The following CLNK variants were observed in gnomAD, a reference collection of about 807,000 sequenced individuals.
CLNK encodes the protein cytokine dependent hematopoietic cell linker.
In CLNK, 74 loss-of-function variants were observed where a neutral mutation model predicts 68.6. The ratio of observed to expected loss-of-function variants is 1.08; its 90% CI spans 0.89 to 1.31. CLNK has a LOEUF of 1.31. Ranked by LOEUF, CLNK falls within the 50% of genes most tolerant of loss-of-function variation. The probability of loss-of-function intolerance (pLI) is 0.00; values close to 1 mark genes in which losing one functional copy is unlikely to be tolerated. For synonymous variants in CLNK, 198 were observed against 172.2 expected, an observed-to-expected ratio of 1.15 and a Z score of -1.17; for missense variants, 553 against 515.3, an observed-to-expected ratio of 1.07 and a Z score of -0.71.
chr4:10,692,367 T>A, the CLNK span, among the ~76,000 whole-genome samples: 2 of 152,046 alleles, frequency 1.3e-5, no homozygotes, highest in Non-Finnish European at 2.9e-5. Context: ...TATAGCAAAG[T>A]TGAAAGTGAG....
In CLNK at chr4:10,516,397, T is replaced by C. The variant is rs1018408897; in HGVS notation, c.773-2800A>G. On this transcript the variant is annotated intron_variant, in intron 15 of 18. Transcript: ENST00000226951. ...GATCCACTAAATTTTTGAGATGAAA[T>C]ATTAATTAAACATTAGCAAATACAT... Among the ~76,000 whole-genome samples the C allele has an allele frequency of 9.2e-5, 14 of 152,168 alleles. 1 individual carries two copies. Among genetic ancestry groups the C allele is most frequent in the Non-Finnish European group, 1.9e-4 (13 of 68,028 alleles).
chr4:10,689,568 T>C (rs1018971946), upstream of CLNK, among the ~76,000 whole-genome samples: 7 of 152,120 alleles, frequency 4.6e-5, no homozygotes, highest in African/African-American at 1.7e-4. Context: ...CAGGCTCCTG[T>C]CAGGCAGCTG....
chr4:10,624,417 C>T (rs1312658416), intron 2 of CLNK, among the ~76,000 whole-genome samples: 1 of 152,086 alleles, frequency 6.6e-6, no homozygotes, highest in Non-Finnish European at 1.5e-5. Flanking sequence ...CTCAGCCTCC[C>T]GAGTAGCTCG....
intron 16 of CLNK, among the ~76,000 whole-genome samples, chr4:10,508,908 A>G (rs891877849): frequency 6.6e-6 from 1 of 152,094 alleles, no homozygotes; most frequent in African/African-American, 2.4e-5. Context: ...GGAGATCGAG[A>G]CCATCCTGGC....
intron 2 of CLNK, among the ~76,000 whole-genome samples, chr4:10,604,645 C>T (rs1721721321): frequency 6.6e-6 from 1 of 151,902 alleles, no homozygotes; most frequent in Non-Finnish European, 1.5e-5. Context: ...GTTCATCAAG[C>T]CCCACCATTC....
At position 10,533,669 on chromosome 4, in the gene CLNK, G is replaced by C. The variant is rs551864480; in HGVS notation, c.603-1386C>G. Among the ~76,000 whole-genome samples the C allele has an allele frequency of 4.6e-5, 7 of 152,322 alleles. No individual in the cohort carries two copies. In the South Asian group the frequency reaches 1.4e-3, roughly 32 times the overall value. ...AGATCTGAATAGAGGTAATGAAGTA[G>C]AACAAACACCCAGAGTATTAATTAT... On this transcript the variant is annotated intron_variant, in intron 11 of 18. Transcript: ENST00000226951.
At chr4:10,721,218 T>C in the CLNK span, among the ~76,000 whole-genome samples, 227 of 152,168 alleles carry the variant, frequency 1.5e-3, no homozygotes, top group African/African-American at 5.1e-3. Context: ...GGTGTGGCTA[T>C]AGAAGGGCTG....
At chr4:10,626,074 G>A (rs553037571) in intron 2 of CLNK, among the ~76,000 whole-genome samples, 1 of 152,198 alleles carries the variant, frequency 6.6e-6, no homozygotes, top group Admixed American at 6.5e-5. Flanking sequence ...TGACTGGTTG[G>A]GGGTGGTGCT....
At chr4:10,554,627 C>A (rs1247572208) in intron 8 of CLNK, among the ~76,000 whole-genome samples, 1 of 152,144 alleles carries the variant, frequency 6.6e-6, no homozygotes, top group African/African-American at 2.4e-5. Flanking sequence ...AGCATTATAT[C>A]AATGTCTCTG....
At chr4:10,572,381 A>G (rs527340280) in intron 4 of CLNK, among the ~76,000 whole-genome samples, 1 of 152,252 alleles carries the variant, frequency 6.6e-6, no homozygotes, top group Non-Finnish European at 1.5e-5. Flanking sequence ...CAACACTCTT[A>G]TTTGGGCTTG....
the CLNK span, among the ~76,000 whole-genome samples, chr4:10,723,919 A>AGACAGAG: frequency 6.8e-6 from 1 of 148,026 alleles, no homozygotes; most frequent in Non-Finnish European, 1.5e-5. Context: ...AGAGAGAGAG[A>AGACAGAG]AGGCAGGGCA....
the CLNK span, among the ~76,000 whole-genome samples, chr4:10,704,567 C>T: frequency 2.0e-5 from 3 of 152,170 alleles, no homozygotes; most frequent in Admixed American, 2.0e-4. Context: ...CCATATGCTG[C>T]AGTAGGCCCC....
intron 3 of CLNK, among the ~76,000 whole-genome samples, chr4:10,585,668 A>T (rs1720940811): frequency 6.6e-6 from 1 of 152,220 alleles, no homozygotes; most frequent in South Asian, 2.1e-4. Flanking sequence ...TAAATATAAA[A>T]GAGCCCAGCA....
At chr4:10,646,530 A>T (rs1485675665) in intron 2 of CLNK, among the ~76,000 whole-genome samples, 1 of 152,226 alleles carries the variant, frequency 6.6e-6, no homozygotes, top group African/African-American at 2.4e-5. Context: ...TCATTTTGCC[A>T]GGAAGAAATT....
Position 10,486,519 on chromosome 4 carries a change from AC to A in CLNK, c.*3947del, listed in dbSNP as rs1425977154. 1.5e-5 allele frequency: 2 copies of A among 136,030 alleles called. No homozygotes were observed. The allele number at this position is 136,030 out of a possible 1,614,324, so 8.4% of individuals were successfully genotyped here. A position where few individuals can be genotyped will look rare whatever the true frequency, so the allele number is the denominator to read the frequency against. The stretch of plus-strand genomic sequence containing the variant: ...AGATATACAAATATAATGCTAATAT[AC>A]AATATAGGCTATCATAAAAATTTGT... On this transcript the variant is annotated 3_prime_UTR_variant, in exon 19 of 19. Transcript: ENST00000226951.
the CLNK span, among the ~76,000 whole-genome samples, chr4:10,690,053 G>A: frequency 2.0e-5 from 3 of 152,072 alleles, no homozygotes; most frequent in Non-Finnish European, 4.4e-5. Context: ...TTTCAGACGC[G>A]CTGAATTTAA....
intron 2 of CLNK, among the ~76,000 whole-genome samples, chr4:10,633,470 C>T (rs1329405933): frequency 3.3e-5 from 5 of 152,218 alleles, no homozygotes; most frequent in Admixed American, 6.5e-5. Context: ...GCTTCATCTA[C>T]ATTCTCCCAT....
At chr4:10,510,314 C>G (rs1004328) in intron 16 of CLNK, among the ~76,000 whole-genome samples, 1 of 152,088 alleles carries the variant, frequency 6.6e-6, no homozygotes, top group Non-Finnish European at 1.5e-5. Context: ...CCAAATATGT[C>G]GTTAATATCT....
intron 18 of CLNK, among the ~76,000 whole-genome samples, chr4:10,491,449 A>C (rs1716567616): frequency 6.6e-6 from 1 of 152,252 alleles, no homozygotes. Context: ...TCTAGTATAC[A>C]TAGAAAGAAC....
Sources: allele counts gnomAD v4.1 joint callset (sites outside exome capture counted in the v4.1 genomes callset), GRCh38; gene constraint gnomAD v4.1.1; transcripts MANE v1.5; gene names NCBI Gene and HGNC (gene_info 2026-07-23, HGNC 2026-07-21).